The following MYOM3 variants were observed in gnomAD, a reference collection of about 807,000 sequenced individuals.
MYOM3 encodes the protein myomesin 3.
In MYOM3, 155 loss-of-function variants were observed where a neutral mutation model predicts 191.7. That is an observed-to-expected ratio of 0.81 (90% CI 0.71 to 0.92). The LOEUF (loss-of-function observed/expected upper bound fraction) is 0.92. MYOM3 is among the 40% of genes least tolerant of loss of function. MYOM3 has a pLI of 0.00. For missense variants in MYOM3, 1,889 were observed against 1,890.6 expected (o/e 1.00, Z 0.02); for synonymous variants, 757 against 762.9 (o/e 0.99, Z 0.13).
intron 32 of MYOM3, 100 bp from the exon 33 acceptor site, chr1:24,062,209 G>C (rs1195565280): frequency 1.5e-6 from 2 of 1,326,332 alleles, no homozygotes; most frequent in Non-Finnish European, 2.1e-6. Context: ...TTGAGATCAC[G>C]GGCTATGGGT....
intron 1 of MYOM3, among the ~76,000 whole-genome samples, chr1:24,110,608 G>GCTCC (rs1214521335): frequency 1.8e-4 from 28 of 152,120 alleles, no homozygotes; most frequent in Non-Finnish European, 2.9e-5. Flanking sequence ...GGTGTCTGCA[G>GCTCC]TTGTGGGCAT....
chr1:24,075,416 C>T lies in MYOM3; in HGVS notation c.2761G>A (p.Ala921Thr), dbSNP rs774768867. The T allele has an allele frequency of 2.5e-6, 4 of 1,609,452 alleles. No homozygotes were observed. In the East Asian group the frequency reaches 8.9e-5, roughly 36 times the overall value. ...EEGFIYLAFE[A>T]PEAPDSSEFQ... ...TCTGAGGAGTCGGGGGCTTCAGGGG[C>T]TTCAAAAGCCAAATAGATAAAGCCC... The change falls in exon 22 of 37, where the codon GCC becomes ACC. Residue 921 changes from alanine to threonine, a missense_variant. Coordinates refer to ENST00000374434, the MANE Select transcript of MYOM3 (RefSeq NM_152372.4).
At position 24,082,590 on chromosome 1, in the gene MYOM3, C is replaced by G. The variant is rs767007017; in HGVS notation, c.2092+3G>C. ...TGCAGGCTGGACCTGCCCTTGGACTCACCCAGAGCCTGCTTGACCCTGATG... is the reference window on the plus strand; with the variant it reads ...TGCAGGCTGGACCTGCCCTTGGACTGACCCAGAGCCTGCTTGACCCTGATG... On this transcript the variant is annotated splice_donor_region_variant and intron_variant, in intron 17 of 36. Coordinates refer to ENST00000374434, the MANE Select transcript of MYOM3 (RefSeq NM_152372.4). 3.1e-6 allele frequency: 5 copies of G among 1,596,450 alleles called. No homozygotes were observed. Among genetic ancestry groups the G allele is most frequent in the Non-Finnish European group, 4.3e-6 (5 of 1,173,014 alleles).
intron 29 of MYOM3, among the ~76,000 whole-genome samples, chr1:24,065,621 G>GA (rs373058850): frequency 9.8e-5 from 15 of 152,294 alleles, no homozygotes; most frequent in African/African-American, 3.6e-4. Flanking sequence ...TGGAGCTAAA[G>GA]AAAAAAATCA....
intron 14 of MYOM3, 101 bp from the exon 15 acceptor site, chr1:24,086,928 G>A: frequency 7.9e-7 from 1 of 1,272,002 alleles, no homozygotes; most frequent in Non-Finnish European, 1.1e-6. Flanking sequence ...GTGCTCTCAT[G>A]ATCCTCTATA....
At chr1:24,095,352 G>A in intron 8 of MYOM3, 90 bp downstream of exon 8, 2 of 1,249,170 alleles carry the variant, frequency 1.6e-6, no homozygotes, top group Non-Finnish European at 2.3e-6. Context: ...ATGGGCAGGG[G>A]ATGGCTATAT....
At chr1:24,090,733 T>G in intron 12 of MYOM3, 64 bp downstream of exon 12, 1,515 of 1,507,988 alleles carry the variant, frequency 1.0e-3, no homozygotes, top group Non-Finnish European at 1.3e-3. Context: ...GTCTCCTGTG[T>G]GAGACAGTCC....
In MYOM3 at chr1:24,092,974, C is replaced by G. The variant is rs757779396; in HGVS notation, c.1063G>C (p.Glu355Gln). ...CTCACAAGCACGTAGGTGCTCTGTT[C>G]CCGGGGTCCGAAGGGCGAGGGCACC... ...VRVPSPFGPR[E>Q]QSTYVLVRDA... Residue 355 changes from glutamate to glutamine, a missense_variant, in exon 10 of 37, where the codon GAA becomes CAA. Transcript: ENST00000374434. 8 of 1,602,970 alleles carry G rather than the reference C, an allele frequency of 5.0e-6. No homozygotes were observed. The highest frequency in any genetic ancestry group is 5.1e-6 in the Non-Finnish European group (6 of 1,176,132).
At chr1:24,094,299 G>C (rs1643867062) in intron 9 of MYOM3, among the ~76,000 whole-genome samples, 1 of 151,602 alleles carries the variant, frequency 6.6e-6, no homozygotes, top group Non-Finnish European at 1.5e-5. Context: ...AGCCTCCCGA[G>C]TAGCTAGATT....
chr1:24,090,954 G>A lies in MYOM3; in HGVS notation c.1275C>T (p.Ala425=), dbSNP rs1369110530. The A allele has an allele frequency of 1.2e-6, 2 of 1,613,890 alleles. No homozygotes were observed. Among genetic ancestry groups the A allele is most frequent in the Non-Finnish European group, 1.7e-6 (2 of 1,179,992 alleles). ...TTGGGCACCGACAAGTCCCTCCGGG[G>A]GCCTCATGGCAGGCGATCCATTCCC... The part of the protein sequence containing the change: ...ESGEWIACHE[A]PGGTCRCPIQ... Residue 425 remains alanine, a synonymous_variant, in exon 12 of 37, where the codon GCC becomes GCT. Transcript: ENST00000374434.
rs549160937 is a variant in MYOM3, at chr1:24,061,333, G to A, written c.3935-24C>T. 1.2e-5 allele frequency: 20 copies of A among 1,613,138 alleles called. No homozygotes were observed. In the Admixed American group the frequency reaches 2.8e-4, roughly 23 times the overall value. The stretch of plus-strand genomic sequence containing the variant: ...AGCTATAAGAAGGACAGAGGAGAAT[G>A]GGGGCCATCAGGGCCTCTGCTGTCT... On this transcript the variant is annotated intron_variant, in intron 33 of 36. Transcript: ENST00000374434.
intron 2 of MYOM3, 195 bp downstream of exon 2, chr1:24,108,281 G>T: frequency 1.4e-6 from 1 of 738,994 alleles, no homozygotes; most frequent in Non-Finnish European, 2.2e-6. Context: ...AGAGGACAGG[G>T]CTGTGCCTCT....
chr1:24,092,174 C>A lies in MYOM3; in HGVS notation c.1232G>T (p.Arg411Leu). The change falls in exon 11 of 37, where the codon CGG becomes CTG. Residue 411 changes from arginine to leucine, a missense_variant and splice_region_variant. By Grantham distance (102) the Arg-to-Leu change is moderately radical (BLOSUM62 -2). Transcript: ENST00000374434. ...GNPITAYTIE[R>L]CQGESGEWIA... Reference sequence around the variant, plus strand: ...TCTGCCACTCACGAGGTCGACTCACCGCTCAATGGTGTAGGCAGTGATGGG... The same window carrying A: ...TCTGCCACTCACGAGGTCGACTCACAGCTCAATGGTGTAGGCAGTGATGGG... The A allele has an allele frequency of 6.9e-7, 1 of 1,454,970 alleles. No individual in the cohort carries two copies. The highest frequency in any genetic ancestry group is 9.1e-7 in the Non-Finnish European group (1 of 1,096,774). 90.1% of individuals were successfully genotyped at this position (1,454,970 alleles called of 1,614,324 possible).
rs1318422433 is a variant in MYOM3 at position 24,105,953 on chromosome 1, G to A, written c.527C>T (p.Thr176Ile). The A allele has an allele frequency of 1.9e-6, 3 of 1,613,880 alleles. No homozygotes were observed. Among genetic ancestry groups the A allele is most frequent in the African/African-American group, 2.7e-5 (2 of 75,048 alleles). Residue 176 changes from threonine to isoleucine, a missense_variant, in exon 5 of 37, where the codon ACT (threonine) becomes ATT (isoleucine). Transcript: ENST00000374434. ...WEHTTVLLTC[T>I]VQASPPPQVT... The stretch of plus-strand genomic sequence containing the variant: ...CTGGGGTGGTGGTGAGGCCTGGACA[G>A]TGCAGGTCAGCAGGACCGTGGTGTG...
chr1:24,081,675 G>A, intron 18 of MYOM3: 4 of 608,896 alleles, frequency 6.6e-6, no homozygotes, highest in Non-Finnish European at 1.1e-5. Flanking sequence ...CAGTCCTCCT[G>A]TGTTAGCCTC....
intron 20 of MYOM3, among the ~76,000 whole-genome samples, chr1:24,077,493 G>A (rs568842536): frequency 7.9e-5 from 12 of 152,182 alleles, no homozygotes; most frequent in Admixed American, 2.6e-4. Flanking sequence ...CTGGAATGCC[G>A]TCCCGCCTCC....
chr1:24,109,307 A>T (rs1644020239), intron 1 of MYOM3, among the ~76,000 whole-genome samples: 1 of 152,188 alleles, frequency 6.6e-6, no homozygotes, highest in East Asian at 1.9e-4. Flanking sequence ...AAGACTCATG[A>T]CTTTGTTTCC....
intron 19 of MYOM3, among the ~76,000 whole-genome samples, 171 bp from the exon 20 acceptor site, chr1:24,080,365 T>A (rs1643652267): frequency 6.6e-6 from 1 of 152,190 alleles, no homozygotes. Flanking sequence ...CTTGGCTTCA[T>A]GACAAAGCCT....
In MYOM3 at chr1:24,063,238, G is replaced by T; in HGVS notation, c.3662-4C>A. Reference sequence around the variant, plus strand: ...TTCAGTGGAGTTGCAGAGAGGGCTGGGGAGACAGAGGAGAAGGATGAATCT... The same window carrying T: ...TTCAGTGGAGTTGCAGAGAGGGCTGTGGAGACAGAGGAGAAGGATGAATCT... On this transcript the variant is annotated splice_polypyrimidine_tract_variant and splice_region_variant and intron_variant, in intron 31 of 36. Transcript: ENST00000374434. The surrounding 1 kb of genome is among the most constrained non-coding windows in gnomAD (Gnocchi z 4.5). The T allele has an allele frequency of 1.9e-6, 3 of 1,610,178 alleles. No homozygotes were observed.
Sources: gnomAD v4.1 joint callset for allele counts (sites outside exome capture counted in the v4.1 genomes callset) on GRCh38, gnomAD v4.1.1 for gene constraint, Gnocchi (gnomAD v3.1) non-coding constraint, MANE v1.5 for transcripts, NCBI Gene and HGNC (gene_info 2026-07-23, HGNC 2026-07-21) for gene names.